The following FNTB variants were observed in gnomAD, a reference collection of about 807,000 sequenced individuals.
The protein encoded by FNTB is protein farnesyltransferase subunit beta.
FNTB carries 27 observed loss-of-function variants against 59.4 expected under a neutral mutation model. The observed-to-expected ratio is 0.45, with a 90% CI of 0.34 to 0.63. The LOEUF (loss-of-function observed/expected upper bound fraction) is 0.63. FNTB is among the 20% of genes least tolerant of loss of function. FNTB has a pLI of 0.02. For synonymous variants in FNTB, 230 were observed against 220.7 expected (o/e 1.04, Z -0.37); for missense variants, 449 against 559.6 (o/e 0.80, Z 1.99).
At chr14:64,995,491 G>A (rs977596278) in intron 1 of FNTB, among the ~76,000 whole-genome samples, 2 of 151,930 alleles carry the variant, frequency 1.3e-5, no homozygotes, top group Non-Finnish European at 2.9e-5. Context: ...GTAATGCTTT[G>A]TGCTACAACA....
In FNTB at chr14:64,994,109, C is replaced by T. The variant is rs1888307307; in HGVS notation, c.144+7012C>T. 6.6e-6 allele frequency among the ~76,000 whole-genome samples: 1 copy of T among 152,310 alleles called. No individual in the cohort carries two copies. Among genetic ancestry groups the T allele is most frequent in the South Asian group, 2.1e-4 (1 of 4,826 alleles). On this transcript the variant is annotated intron_variant, in intron 1 of 11. Transcript: ENST00000246166. This position sits in a 1 kb window ranked among gnomAD's most constrained non-coding sequence, Gnocchi z 4.2. ...ACCTCAAATGATCCACCCGCTTCCA[C>T]CTCCCAAAGTGCTGGGATTACAGGC...
Position 65,040,552 on chromosome 14 carries a change from TG to T in FNTB, c.693-237del, listed in dbSNP as rs148848615. On this transcript the variant is annotated intron_variant, in intron 7 of 11. Coordinates refer to ENST00000246166, the MANE Select transcript of FNTB (RefSeq NM_002028.4). Reference sequence around the variant, plus strand: ...AACTCCTCGCCTCAAGTGATCTTCTTGCCTTAGTCTCCTGAGCAGCTGGGAT... The same window carrying T: ...AACTCCTCGCCTCAAGTGATCTTCTTCCTTAGTCTCCTGAGCAGCTGGGAT... 2.8e-3 allele frequency among the ~76,000 whole-genome samples: 425 copies of T among 151,280 alleles called. 2 individuals carry two copies. The highest frequency in any genetic ancestry group is 9.8e-3 in the African/African-American group (404 of 41,170).
chr14:65,060,868 CT>C (rs2062848470), intron 11 of FNTB, among the ~76,000 whole-genome samples: 1 of 69,808 alleles, frequency 1.4e-5, no homozygotes, highest in Non-Finnish European at 2.4e-5. Flanking sequence ...GCAAGACTCT[CT>C]CAAAAAAAAA....
chr14:64,997,281 T>C lies in FNTB; in HGVS notation c.145-6968T>C, dbSNP rs564331021. ...GCTGTTTGAGATGTCTTTTCAGATT[T>C]TTGCATTTCTGACTGGCTGACTCCA... On this transcript the variant is annotated intron_variant, in intron 1 of 11. Transcript: ENST00000246166. This position sits in a 1 kb window ranked among gnomAD's most constrained non-coding sequence, Gnocchi z 4.5. Among the ~76,000 whole-genome samples, 203 of 152,254 alleles carry C rather than the reference T, an allele frequency of 1.3e-3. 1 individual carries two copies. Among genetic ancestry groups the C allele is most frequent in the Middle Eastern group, 0.01 (3 of 294 alleles).
rs1261602504 is a variant in FNTB, at chr14:65,023,717, GCCTATTGGA to G, written c.375-3734_375-3726del. ...AAATTGCCTCATGTGGCTAGTGGCT[GCCTATTGGA>G]CAGCACAGATGTATCTCATTGCTAC... On this transcript the variant is annotated intron_variant, in intron 4 of 11. Transcript: ENST00000246166. This position sits in a 1 kb window ranked among gnomAD's most constrained non-coding sequence, Gnocchi z 4.1. 2.0e-5 allele frequency among the ~76,000 whole-genome samples: 3 copies of G among 152,056 alleles called. No homozygotes were observed. Among genetic ancestry groups the G allele is most frequent in the Non-Finnish European group, 4.4e-5 (3 of 67,972 alleles).
At chr14:65,053,703 CTG>C (rs1208096237) in intron 10 of FNTB, among the ~76,000 whole-genome samples, 1 of 151,584 alleles carries the variant, frequency 6.6e-6, no homozygotes, top group African/African-American at 2.4e-5. Flanking sequence ...TAAACAGAGA[CTG>C]TAATCATGAC....
rs144103187 is a variant in FNTB at position 65,027,240 on chromosome 14, C to T, written c.375-213C>T. 5.8e-4 allele frequency: 437 copies of T among 747,468 alleles called. 1 individual carries two copies. Among genetic ancestry groups the T allele is most frequent in the Admixed American group, 9.5e-4 (30 of 31,722 alleles). The allele number at this position is 747,468 out of a possible 1,614,324, so 46.3% of individuals were successfully genotyped here. Reference sequence around the variant, plus strand: ...TTCATGACCAACAAGCGCTTAAGTACGAAACTCAGAGGAGGGCAGACAGAA... The same window carrying T: ...TTCATGACCAACAAGCGCTTAAGTATGAAACTCAGAGGAGGGCAGACAGAA... On this transcript the variant is annotated intron_variant, in intron 4 of 11. Transcript: ENST00000246166. This position sits in a 1 kb window ranked among gnomAD's most constrained non-coding sequence, Gnocchi z 5.7.
chr14:65,052,763 C>A (rs2062644003), intron 9 of FNTB, among the ~76,000 whole-genome samples: 1 of 152,188 alleles, frequency 6.6e-6, no homozygotes, highest in African/African-American at 2.4e-5. Context: ...TAAATTTAGG[C>A]TTAGAAAAGT....
chr14:65,019,492 A>C (rs1349708905), intron 4 of FNTB, among the ~76,000 whole-genome samples: 2 of 123,622 alleles, frequency 1.6e-5, no homozygotes, highest in Non-Finnish European at 3.3e-5. Flanking sequence ...TGTCTCAAAA[A>C]ACAAACAAAC....
chr14:65,030,430 T>C lies in FNTB; in HGVS notation c.606-2180T>C, dbSNP rs1178228382. ...TCAGTAAGTCTGACTTCATGTTATA[T>C]CTATACTGAGTAAGATGGAAACCAG... On this transcript the variant is annotated intron_variant, in intron 6 of 11. Transcript: ENST00000246166. The surrounding 1 kb of genome is among the most constrained non-coding windows in gnomAD (Gnocchi z 4.5). Among the ~76,000 whole-genome samples the C allele has an allele frequency of 1.3e-5, 2 of 152,192 alleles. No individual in the cohort carries two copies. Among genetic ancestry groups the C allele is most frequent in the Non-Finnish European group, 2.9e-5 (2 of 68,038 alleles).
chr14:65,000,572 G>A (rs151199897), intron 1 of FNTB, among the ~76,000 whole-genome samples: 3,301 of 152,142 alleles, frequency 0.022, 48 homozygotes, highest in South Asian at 0.043. Context: ...CGTAATCCCA[G>A]CACTTTGGGA....
At chr14:65,060,712 A>AAAAAAAAAAAAAAC (rs2062844530) in intron 11 of FNTB, among the ~76,000 whole-genome samples, 1 of 141,196 alleles carries the variant, frequency 7.1e-6, no homozygotes. Flanking sequence ...AAAAAAAAAA[A>AAAAAAAAAAAAAAC]AAATACAAAA....
Position 65,027,726 on chromosome 14 carries a change from C to CT in FNTB, c.551dup (p.Lys185GlufsTer4). 6.2e-7 allele frequency: 1 copy of CT among 1,614,172 alleles called. No individual in the cohort carries two copies. The highest frequency in any genetic ancestry group is 8.5e-7 in the Non-Finnish European group (1 of 1,180,042). On this transcript the variant is annotated frameshift_variant, in exon 6 of 12. Coordinates refer to ENST00000246166, the MANE Select transcript of FNTB (RefSeq NM_002028.4). LOFTEE classifies it high-confidence loss of function. The surrounding 1 kb of genome is among the most constrained non-coding windows in gnomAD (Gnocchi z 5.7). Reference sequence around the variant, plus strand: ...GAAGCTTCTTCAGTATTTGTACTCCCTGAAGCAACCTGACGGCTCCTTTCT... The same window carrying CT: ...GAAGCTTCTTCAGTATTTGTACTCCCTTGAAGCAACCTGACGGCTCCTTTCT...
intron 7 of FNTB, among the ~76,000 whole-genome samples, chr14:65,037,715 A>G (rs1331179400): frequency 6.8e-6 from 1 of 146,726 alleles, no homozygotes; most frequent in Non-Finnish European, 1.5e-5. Context: ...GTGAGCCACC[A>G]TGCCCAGCCT....
rs1354433876 is a variant in FNTB at position 65,032,018 on chromosome 14, G to A, written c.606-592G>A. The stretch of plus-strand genomic sequence containing the variant: ...TGTGTGTGTGTGTGTGTGTGTGTGT[G>A]TACTGGTGAGAGGTTTGAAATCAAG... On this transcript the variant is annotated intron_variant, in intron 6 of 11. Transcript: ENST00000246166. This position sits in a 1 kb window ranked among gnomAD's most constrained non-coding sequence, Gnocchi z 5.0. 2.0e-5 allele frequency among the ~76,000 whole-genome samples: 3 copies of A among 149,790 alleles called. No individual in the cohort carries two copies. The highest frequency in any genetic ancestry group is 4.2e-4 in the South Asian group (2 of 4,756).
intron 9 of FNTB, among the ~76,000 whole-genome samples, chr14:65,051,639 A>T (rs920291485): frequency 1.3e-5 from 2 of 152,054 alleles, no homozygotes; most frequent in African/African-American, 4.8e-5. Context: ...GGAAATATTC[A>T]ACAGTTTAAT....
chr14:64,995,920 T>C (rs1177506693), intron 1 of FNTB, among the ~76,000 whole-genome samples: 2 of 150,022 alleles, frequency 1.3e-5, no homozygotes, highest in African/African-American at 4.9e-5. Context: ...CTCCTGAGGT[T>C]GAGACCAGCC....
intron 1 of FNTB, among the ~76,000 whole-genome samples, chr14:64,993,410 G>A (rs559291103): frequency 6.6e-6 from 1 of 152,312 alleles, no homozygotes; most frequent in Non-Finnish European, 1.5e-5. Flanking sequence ...AGCCAAAGCA[G>A]CCTTAACTGA....
At chr14:65,020,621 A>T (rs2061868487) in intron 4 of FNTB, among the ~76,000 whole-genome samples, 2 of 151,276 alleles carry the variant, frequency 1.3e-5, no homozygotes, top group South Asian at 4.2e-4. Flanking sequence ...TTTAGTAGAG[A>T]TTGGGTTTTA....
Sources: allele counts gnomAD v4.1 joint callset (sites outside exome capture counted in the v4.1 genomes callset), GRCh38; gene constraint gnomAD v4.1.1; non-coding constraint Gnocchi (gnomAD v3.1); transcripts MANE v1.5; gene names NCBI Gene and HGNC (gene_info 2026-07-23, HGNC 2026-07-21).